The following ACSS3 variants were observed in gnomAD, a reference collection of about 807,000 sequenced individuals.
The protein encoded by ACSS3 is acyl-CoA synthetase short chain family member 3, also known as acyl-CoA synthetase short-chain family member 3, mitochondrial.
Under a neutral mutation model 84.2 loss-of-function variants are expected in ACSS3, and 64 were observed. The ratio of observed to expected loss-of-function variants is 0.76; its 90% CI spans 0.62 to 0.94. ACSS3 has a LOEUF of 0.94. ACSS3 is among the 40% of genes least tolerant of loss of function. The pLI is 0.00. For synonymous variants in ACSS3, 317 were observed against 310.1 expected, an observed-to-expected ratio of 1.02 and a Z score of -0.23; for missense variants, 815 against 867.6, an observed-to-expected ratio of 0.94 and a Z score of 0.76.
At chr12:81,220,661 A>C (rs2033076894) in intron 11 of ACSS3, among the ~76,000 whole-genome samples, 1 of 152,010 alleles carries the variant, frequency 6.6e-6, no homozygotes. Context: ...CCCATTATTT[A>C]GCTCTCAGTT....
At chr12:81,194,355 T>G (rs1202889523) in intron 8 of ACSS3, among the ~76,000 whole-genome samples, 1 of 151,892 alleles carries the variant, frequency 6.6e-6, no homozygotes, top group Non-Finnish European at 1.5e-5. Flanking sequence ...TATTATACAA[T>G]TAGCAGTCTG....
intron 2 of ACSS3, among the ~76,000 whole-genome samples, chr12:81,116,255 A>G (rs892908308): frequency 2.6e-5 from 4 of 152,114 alleles, no homozygotes; most frequent in Admixed American, 2.6e-4. Flanking sequence ...TTAAATTTTG[A>G]GAGGACTTAA....
chr12:81,116,602 T>C (rs1258890999), intron 2 of ACSS3, among the ~76,000 whole-genome samples: 2 of 152,108 alleles, frequency 1.3e-5, no homozygotes, highest in African/African-American at 2.4e-5. Flanking sequence ...TGGTTCATTA[T>C]TGCTTTTTTA....
At position 81,121,581 on chromosome 12, in the gene ACSS3, C is replaced by A. The variant is rs116142398; in HGVS notation, c.456+11877C>A. 4.5e-3 allele frequency among the ~76,000 whole-genome samples: 689 copies of A among 152,072 alleles called. 4 individuals carry two copies. The highest frequency in any genetic ancestry group is 0.016 in the African/African-American group (654 of 41,492). On this transcript the variant is annotated intron_variant, in intron 2 of 15. Transcript: ENST00000548058. Reference sequence around the variant, plus strand: ...TTTACAGCTTAGTACATAAATAAAGCCAAATCTGAGTTATAGGCAGGGTAA... The same window carrying A: ...TTTACAGCTTAGTACATAAATAAAGACAAATCTGAGTTATAGGCAGGGTAA...
chr12:81,235,765 A>G (rs1244945003), intron 13 of ACSS3, among the ~76,000 whole-genome samples: 1 of 151,434 alleles, frequency 6.6e-6, no homozygotes, highest in Non-Finnish European at 1.5e-5. Context: ...CTTTGGTTTG[A>G]AATTTTTCAT....
At position 81,108,703 on chromosome 12, in the gene ACSS3, T is replaced by C. The variant is rs549346445; in HGVS notation, c.312-857T>C. 5.3e-5 allele frequency among the ~76,000 whole-genome samples: 8 copies of C among 152,326 alleles called. No individual in the cohort carries two copies. The South Asian group carries it at 8.3e-4, about 16-fold the overall frequency. ...TACTCAGCTATTTAACAAGAGCTTTTTTATTTACTTCAATATATTTTCCTG... is the reference window on the plus strand; with the variant it reads ...TACTCAGCTATTTAACAAGAGCTTTCTTATTTACTTCAATATATTTTCCTG... On this transcript the variant is annotated intron_variant, in intron 1 of 15. Transcript: ENST00000548058.
chr12:81,254,235 A>AT (rs1480938041), intron 15 of ACSS3, among the ~76,000 whole-genome samples: 7 of 152,108 alleles, frequency 4.6e-5, no homozygotes, highest in Non-Finnish European at 7.4e-5. Context: ...CTGCCAAAAT[A>AT]TTTTTTCTCT....
intron 12 of ACSS3, 92 bp downstream of exon 12, chr12:81,231,230 T>C: frequency 9.2e-7 from 1 of 1,088,264 alleles, no homozygotes; most frequent in Non-Finnish European, 1.3e-6. Context: ...GAATCGTAGA[T>C]CAAAAAGAAA....
chr12:81,127,323 A>C (rs1013085014), intron 2 of ACSS3, among the ~76,000 whole-genome samples: 1 of 152,076 alleles, frequency 6.6e-6, no homozygotes, highest in African/African-American at 2.4e-5. Flanking sequence ...CTATCATTCC[A>C]GATCTTAAGC....
chr12:81,084,267 T>C (rs1280433138), intron 1 of ACSS3, among the ~76,000 whole-genome samples: 1 of 152,206 alleles, frequency 6.6e-6, no homozygotes, highest in African/African-American at 2.4e-5. Flanking sequence ...CAGATTTCAA[T>C]ATTTCTTGGT....
At chr12:81,190,728 C>T (rs1317749409) in intron 8 of ACSS3, among the ~76,000 whole-genome samples, 3 of 151,742 alleles carry the variant, frequency 2.0e-5, no homozygotes, top group Non-Finnish European at 4.4e-5. Context: ...ATGATTTTAG[C>T]GTTTTTTGTT....
intron 12 of ACSS3, among the ~76,000 whole-genome samples, chr12:81,232,944 T>C (rs145129026): frequency 1.3e-5 from 2 of 151,820 alleles, no homozygotes; most frequent in African/African-American, 4.8e-5. Flanking sequence ...TACTGCTGTA[T>C]TGGGAAATTA....
intron 8 of ACSS3, among the ~76,000 whole-genome samples, chr12:81,181,568 T>C (rs917401320): frequency 6.6e-6 from 1 of 151,962 alleles, no homozygotes; most frequent in Non-Finnish European, 1.5e-5. Context: ...TATGAAGTTA[T>C]TGAAAAGGAA....
At chr12:81,231,035 A>T (rs766580619) in intron 11 of ACSS3, 22 bp from the exon 12 acceptor site, 3 of 1,569,842 alleles carry the variant, frequency 1.9e-6, no homozygotes, top group Non-Finnish European at 2.6e-6. Flanking sequence ...TCATAATTTT[A>T]ACTTCTCTGT....
intron 9 of ACSS3, among the ~76,000 whole-genome samples, chr12:81,205,652 C>A (rs949490061): frequency 6.6e-6 from 1 of 151,730 alleles, no homozygotes. Flanking sequence ...CTTTTTTTTC[C>A]GTGATCATCC....
chr12:81,213,030 G>C (rs144804317), intron 9 of ACSS3, among the ~76,000 whole-genome samples: 223 of 152,258 alleles, frequency 1.5e-3, no homozygotes, highest in Non-Finnish European at 1.4e-3. Context: ...GTAAAGTTTT[G>C]TCTAAATGAA....
intron 8 of ACSS3, among the ~76,000 whole-genome samples, chr12:81,188,012 A>C (rs2031366132): frequency 6.6e-6 from 1 of 152,034 alleles, no homozygotes; most frequent in African/African-American, 2.4e-5. Flanking sequence ...AAATTTGAGA[A>C]TAGGATACCT....
intron 13 of ACSS3, among the ~76,000 whole-genome samples, chr12:81,236,414 G>T (rs982950339): frequency 6.0e-5 from 9 of 151,094 alleles, no homozygotes; most frequent in African/African-American, 1.9e-4. Flanking sequence ...GAAATCTACT[G>T]TTTGTAGTAA....
intron 1 of ACSS3, among the ~76,000 whole-genome samples, chr12:81,106,448 A>C (rs1883004586): frequency 6.6e-6 from 1 of 152,138 alleles, no homozygotes; most frequent in African/African-American, 2.4e-5. Flanking sequence ...TAATTATTTC[A>C]TTATATGTTA....
Sources: gnomAD v4.1 joint callset for allele counts (sites outside exome capture counted in the v4.1 genomes callset) on GRCh38, gnomAD v4.1.1 for gene constraint, MANE v1.5 for transcripts, NCBI Gene and HGNC (gene_info 2026-07-23, HGNC 2026-07-21) for gene names.